Variants in LMBR1L observed in about 807,000 individuals in gnomAD.
LMBR1L encodes limb development membrane protein 1 like.
Under a neutral mutation model 67.3 loss-of-function variants are expected in LMBR1L, and 47 were observed. The ratio of observed to expected loss-of-function variants is 0.70; its 90% confidence interval spans 0.55 to 0.89. The LOEUF (loss-of-function observed/expected upper bound fraction) is 0.89, where lower values mean the gene tolerates loss of function less well. Among genes scored for constraint, LMBR1L ranks in the 40% least tolerant of loss-of-function variants. LMBR1L has a pLI of 0.00. For missense variants in LMBR1L, 533 were observed against 599.2 expected (o/e 0.89, Z 1.15); for synonymous variants, 247 against 250.3 (o/e 0.99, Z 0.13).
chr12:49,106,033 T>G lies in LMBR1L; in HGVS notation c.158-76A>C. 3.1e-6 allele frequency: 4 copies of G among 1,282,054 alleles called. No homozygotes were observed. The East Asian group carries it at 9.4e-5, about 30-fold the overall frequency. The allele number at this position is 1,282,054 out of a possible 1,614,324, so 79.4% of individuals were successfully genotyped here. A position where few individuals can be genotyped will look rare whatever the true frequency, so the allele number is the denominator to read the frequency against. ...CTCTGAGGCCGTTAGTATTACAATG[T>G]GCTCCCTGCCCCATCCCTGCCCCCT... On this transcript the variant is annotated intron_variant, in intron 2 of 16. Coordinates refer to ENST00000267102, the MANE Select transcript of LMBR1L (RefSeq NM_018113.4).
intron 1 of LMBR1L, among the ~76,000 whole-genome samples, chr12:49,108,410 A>G (rs1941162633): frequency 6.6e-6 from 1 of 151,954 alleles, no homozygotes; most frequent in African/African-American, 2.4e-5. Context: ...AAAAATACAA[A>G]AATTAGCCAG....
At chr12:49,099,200 C>T (rs1051242765) in intron 15 of LMBR1L, among the ~76,000 whole-genome samples, 2 of 148,448 alleles carry the variant, frequency 1.3e-5, no homozygotes, top group African/African-American at 5.0e-5. Context: ...CATCTTGGCT[C>T]GCTGCAACCT....
Position 49,104,879 on chromosome 12 carries a change from C to A in LMBR1L, c.198G>T (p.Glu66Asp). The change falls in exon 4 of 17, where the codon GAG becomes GAT. Residue 66 changes from glutamate to aspartate, a missense_variant. Glu to Asp is a conservative substitution (Grantham distance 45, BLOSUM62 2). This residue lies in a region of LMBR1L where 246 missense variants were observed against 249.0 expected (regional missense o/e 0.99). Coordinates refer to ENST00000267102, the MANE Select transcript of LMBR1L (RefSeq NM_018113.4). ...EDATVNKIAL[E>D]LCTFTLAIAL... is the part of the protein sequence containing the mutation. ...CAATTGCCAGGGTAAAGGTGCACAGCTCGAGCCTGGGCAGAGAAGGGGACA... is the reference window on the plus strand; with the variant it reads ...CAATTGCCAGGGTAAAGGTGCACAGATCGAGCCTGGGCAGAGAAGGGGACA... 1 of 1,611,224 alleles carries A rather than the reference C, an allele frequency of 6.2e-7. No homozygotes were observed. Among genetic ancestry groups the A allele is most frequent in the Non-Finnish European group, 8.5e-7 (1 of 1,178,926 alleles).
rs1000760827 is a variant in LMBR1L at position 49,097,402 on chromosome 12, G to C, written c.*270C>G. 4 of 499,474 alleles carry C rather than the reference G, an allele frequency of 8.0e-6. No homozygotes were observed. The highest frequency in any genetic ancestry group is 1.5e-5 in the Non-Finnish European group (4 of 273,090). The allele number at this position is 499,474 out of a possible 1,614,324, so 30.9% of individuals were successfully genotyped here. A position where few individuals can be genotyped will look rare whatever the true frequency, so the allele number is the denominator to read the frequency against. ...GATGGCCCAGAACAGCAGTGAGGCAGATTGATGTGTAAACAGATTTGGGAT... is the reference window on the plus strand; with the variant it reads ...GATGGCCCAGAACAGCAGTGAGGCACATTGATGTGTAAACAGATTTGGGAT... On this transcript the variant is annotated 3_prime_UTR_variant, in exon 17 of 17. Transcript: ENST00000267102.
At chr12:49,108,049 G>C (rs1941116650) in intron 1 of LMBR1L, among the ~76,000 whole-genome samples, 1 of 152,134 alleles carries the variant, frequency 6.6e-6, no homozygotes, top group South Asian at 2.1e-4. Flanking sequence ...AGGATCATGA[G>C]GTCAGGAGTT....
chr12:49,104,646 C>T (rs180894635), intron 4 of LMBR1L, 95 bp from the exon 5 acceptor site: 2 of 1,573,686 alleles, frequency 1.3e-6, no homozygotes, highest in Non-Finnish European at 1.7e-6. Flanking sequence ...TGGGAAGGTG[C>T]GACATATGAC....
intron 1 of LMBR1L, chr12:49,110,279 G>A: frequency 1.7e-6 from 1 of 604,130 alleles, no homozygotes; most frequent in Non-Finnish European, 3.0e-6. Context: ...GGAAACGACG[G>A]CCTTTGTTTA....
intron 2 of LMBR1L, chr12:49,106,515 G>T: frequency 8.3e-7 from 1 of 1,204,118 alleles, no homozygotes; most frequent in East Asian, 5.7e-5. Context: ...GCATACTCAG[G>T]CTCCCCATAA....
intron 15 of LMBR1L, among the ~76,000 whole-genome samples, chr12:49,099,722 C>T (rs1038005633): frequency 6.6e-6 from 1 of 152,064 alleles, no homozygotes; most frequent in Admixed American, 6.6e-5. Flanking sequence ...GCTGGGACTA[C>T]AGGCATGCAC....
At chr12:49,107,571 A>G (rs995000403) in intron 1 of LMBR1L, among the ~76,000 whole-genome samples, 1 of 152,180 alleles carries the variant, frequency 6.6e-6, no homozygotes, top group African/African-American at 2.4e-5. Context: ...CCAAGTCACA[A>G]CTTCTATTCC....
intron 1 of LMBR1L, chr12:49,109,991 C>T (rs1410007207): frequency 2.2e-6 from 1 of 456,324 alleles, no homozygotes; most frequent in Non-Finnish European, 4.4e-6. Context: ...TCCTTTCTTC[C>T]AAAGCAGATG....
intron 1 of LMBR1L, among the ~76,000 whole-genome samples, chr12:49,109,560 T>G (rs1470130905): frequency 6.6e-6 from 1 of 152,236 alleles, no homozygotes; most frequent in African/African-American, 2.4e-5. Context: ...CCACACTTAC[T>G]AACATTTCTT....
At chr12:49,100,226 G>A (rs1030799624) in intron 15 of LMBR1L, among the ~76,000 whole-genome samples, 162 bp downstream of exon 15, 1 of 152,202 alleles carries the variant, frequency 6.6e-6, no homozygotes, top group Non-Finnish European at 1.5e-5. Flanking sequence ...CTCAGTGTAG[G>A]CACTTTACAG....
intron 5 of LMBR1L, 118 bp from the exon 6 acceptor site, chr12:49,103,931 T>C: frequency 1.8e-6 from 2 of 1,117,482 alleles, no homozygotes; most frequent in Admixed American, 2.5e-5. Flanking sequence ...AGAGAGAGGG[T>C]TTTCCTCTTA....
intron 3 of LMBR1L, among the ~76,000 whole-genome samples, chr12:49,105,686 CAGCG>C (rs1940807555): frequency 6.6e-6 from 1 of 152,198 alleles, no homozygotes; most frequent in South Asian, 2.1e-4. Flanking sequence ...ACTCAGGCCC[CAGCG>C]GACGTTCCTG....
At position 49,102,159 on chromosome 12, in the gene LMBR1L, C is replaced by T. The variant is rs1940275860; in HGVS notation, c.891G>A (p.Leu297=). ...AGCACAGCATAGCCAGGGGGTAGCC[C>T]AGGTTCCGTTGCCAGGCTGAAGCCT... ...RRKASAWQRN[L]GYPLAMLCLL... Residue 297 remains leucine (L), a synonymous_variant, in exon 11 of 17, where the codon CTG becomes CTA. Transcript: ENST00000267102. 1 of 1,614,072 alleles carries T rather than the reference C, an allele frequency of 6.2e-7. No individual in the cohort carries two copies. The highest frequency in any genetic ancestry group is 8.5e-7 in the Non-Finnish European group (1 of 1,180,034).
intron 11 of LMBR1L, 116 bp downstream of exon 11, chr12:49,102,004 G>A: frequency 1.2e-6 from 1 of 860,966 alleles, no homozygotes; most frequent in Non-Finnish European, 1.9e-6. Flanking sequence ...TAGGCACTCA[G>A]TGAGAAGCAA....
intron 15 of LMBR1L, among the ~76,000 whole-genome samples, chr12:49,099,663 C>T (rs1939874627): frequency 1.3e-5 from 2 of 151,366 alleles, no homozygotes; most frequent in Admixed American, 6.6e-5. Context: ...CTCACCGCAA[C>T]CTTTGCCTCC....
intron 1 of LMBR1L, among the ~76,000 whole-genome samples, chr12:49,108,064 A>G (rs1397296521): frequency 6.6e-6 from 1 of 152,140 alleles, no homozygotes; most frequent in African/African-American, 2.4e-5. Context: ...GGAGTTCAAG[A>G]CCAGCCTGAC....
Sources: allele counts gnomAD v4.1 joint callset (sites outside exome capture counted in the v4.1 genomes callset), GRCh38; gene constraint gnomAD v4.1.1; regional missense constraint gnomAD v4.1.1; transcripts MANE v1.5; gene names NCBI Gene and HGNC (gene_info 2026-07-23, HGNC 2026-07-21).